The following NCOA7 variants were observed in gnomAD, a reference collection of about 807,000 sequenced individuals.
NCOA7 encodes the protein 140 kDa estrogen receptor-associated protein.
In NCOA7, 45 loss-of-function variants were observed where a neutral mutation model predicts 104.3. That is an observed-to-expected ratio of 0.43 (90% confidence interval 0.34 to 0.55). The LOEUF (loss-of-function observed/expected upper bound fraction) is 0.55. Ranked by LOEUF, NCOA7 falls within the 20% of genes least tolerant of loss-of-function variation. The probability of loss-of-function intolerance (pLI) is 0.02; values close to 1 mark genes in which losing one functional copy is unlikely to be tolerated. For synonymous variants in NCOA7, 398 were observed against 402.3 expected (o/e 0.99, Z 0.13); for missense variants, 1,041 against 1,119.7 (o/e 0.93, Z 1.00).
rs539180859 is a variant in NCOA7 at position 125,931,910 on chromosome 6, T to A, written c.*3139T>A. 5.3e-5 allele frequency: 8 copies of A among 152,326 alleles called. No individual in the cohort carries two copies. Among genetic ancestry groups the A allele is most frequent in the Admixed American group, 1.3e-4 (2 of 15,294 alleles). The allele number at this position is 152,326 out of a possible 1,614,324, so 9.4% of individuals were successfully genotyped here. Reference sequence around the variant, plus strand: ...GTTTGGCAGTTCCACCCTCACCCTCTCTTCTGCTGCCATGTAAGATGTGCC... The same window carrying A: ...GTTTGGCAGTTCCACCCTCACCCTCACTTCTGCTGCCATGTAAGATGTGCC... On this transcript the variant is annotated 3_prime_UTR_variant, in exon 16 of 16. Transcript: ENST00000392477.
intron 11 of NCOA7, among the ~76,000 whole-genome samples, chr6:125,915,699 G>C (rs138851983): frequency 1.5e-3 from 230 of 152,124 alleles, no homozygotes; most frequent in Middle Eastern, 3.4e-3. Context: ...CACACTAGAT[G>C]AATCTACTTA....
chr6:125,882,990 G>T (rs779827756), intron 7 of NCOA7, among the ~76,000 whole-genome samples: 5 of 152,176 alleles, frequency 3.3e-5, no homozygotes, highest in Non-Finnish European at 7.3e-5. Context: ...AATAGGATAT[G>T]ATAATGAAAA....
intron 13 of NCOA7, among the ~76,000 whole-genome samples, chr6:125,925,854 C>T (rs368576690): frequency 2.0e-5 from 3 of 152,112 alleles, no homozygotes; most frequent in South Asian, 4.1e-4. Flanking sequence ...CTGAACAACA[C>T]TATTATATAA....
intron 11 of NCOA7, among the ~76,000 whole-genome samples, chr6:125,917,435 A>G (rs1307402619): frequency 6.6e-6 from 1 of 152,128 alleles, no homozygotes; most frequent in Non-Finnish European, 1.5e-5. Flanking sequence ...TCCCTGGAAC[A>G]TCTTCTCACA....
In NCOA7 at chr6:125,889,581, C is replaced by G. The variant is rs372823012; in HGVS notation, c.1527C>G (p.Asn509Lys). ...QSGSPESRVE[N>K]TLNIHEDLDK... ...GTTCGCCAGAAAGCCGAGTAGAAAA[C>G]ACACTGAACATACATGAAGATTTAG... is the stretch of plus-strand genomic sequence containing the variant. The change falls in exon 9 of 16, where the codon AAC becomes AAG. Residue 509 changes from asparagine to lysine, a missense_variant. By Grantham distance (94) the Asn-to-Lys change is moderately conservative. This residue lies in a region of NCOA7 where 914 missense variants were observed against 942.7 expected (regional missense o/e 0.97). Transcript: ENST00000392477. 13 of 1,613,780 alleles carry G rather than the reference C, an allele frequency of 8.1e-6. No homozygotes were observed. In the African/African-American group the frequency reaches 1.7e-4, roughly 22 times the overall value.
At chr6:125,819,762 C>T (rs1380187805) in intron 2 of NCOA7, among the ~76,000 whole-genome samples, 5 of 152,128 alleles carry the variant, frequency 3.3e-5, no homozygotes, top group Admixed American at 1.3e-4. Flanking sequence ...AGTTAGAATG[C>T]AAAATTTTCT....
Position 125,869,589 on chromosome 6 carries a change from C to T in NCOA7, c.272-5300C>T, listed in dbSNP as rs1047812927. Among the ~76,000 whole-genome samples the T allele has an allele frequency of 4.6e-5, 7 of 152,194 alleles. No individual in the cohort carries two copies. The East Asian group carries it at 9.6e-4, about 21-fold the overall frequency. ...TAAGGAGATTTTCCAGGGCTATCAA[C>T]GTGGCCCAGTGCAATCACAAGGGAC... On this transcript the variant is annotated intron_variant, in intron 3 of 15. Transcript: ENST00000392477.
intron 6 of NCOA7, among the ~76,000 whole-genome samples, chr6:125,881,873 CAG>C (rs1278387647): frequency 6.6e-6 from 1 of 151,672 alleles, no homozygotes; most frequent in East Asian, 1.9e-4. Flanking sequence ...GTGTGTGAGA[CAG>C]AGTCTTTCTC....
At chr6:125,923,688 A>G (rs1787782159) in intron 13 of NCOA7, among the ~76,000 whole-genome samples, 2 of 152,194 alleles carry the variant, frequency 1.3e-5, no homozygotes, top group Admixed American at 6.5e-5. Context: ...TCATTCATTC[A>G]TTTATTCATC....
intron 10 of NCOA7, among the ~76,000 whole-genome samples, chr6:125,907,545 C>T (rs371926572): frequency 6.6e-6 from 1 of 152,204 alleles, no homozygotes; most frequent in African/African-American, 2.4e-5. Flanking sequence ...ACTAATACTC[C>T]TTTAGATTTA....
intron 10 of NCOA7, among the ~76,000 whole-genome samples, chr6:125,902,494 TTA>T (rs1348540797): frequency 4.6e-5 from 7 of 151,550 alleles, no homozygotes; most frequent in Non-Finnish European, 2.9e-5. Flanking sequence ...TTTTTTTTTT[TTA>T]AAGTGGGGAT....
At chr6:125,859,347 G>A (rs1781854211) in intron 3 of NCOA7, among the ~76,000 whole-genome samples, 1 of 152,186 alleles carries the variant, frequency 6.6e-6, no homozygotes, top group Non-Finnish European at 1.5e-5. Flanking sequence ...GATTTGTCTA[G>A]AGGGGCCTAG....
intron 6 of NCOA7, among the ~76,000 whole-genome samples, chr6:125,881,632 C>T (rs1172083522): frequency 1.4e-5 from 2 of 148,016 alleles, no homozygotes; most frequent in Non-Finnish European, 3.0e-5. Context: ...GATCGTACCA[C>T]TGCACTCTAG....
At chr6:125,832,816 G>A (rs959337932) in intron 2 of NCOA7, among the ~76,000 whole-genome samples, 12 of 152,194 alleles carry the variant, frequency 7.9e-5, no homozygotes, top group African/African-American at 2.9e-4. Context: ...GACACAGGAG[G>A]AACCGCTGGA....
chr6:125,834,445 A>C (rs2128595951), intron 2 of NCOA7, among the ~76,000 whole-genome samples: 1 of 152,322 alleles, frequency 6.6e-6, no homozygotes, highest in Non-Finnish European at 1.5e-5. Context: ...GATGGAAAAT[A>C]TCTTAAAAAC....
At chr6:125,814,855 T>A (rs1446872692) in intron 1 of NCOA7, among the ~76,000 whole-genome samples, 2 of 152,246 alleles carry the variant, frequency 1.3e-5, no homozygotes, top group African/African-American at 2.4e-5. Flanking sequence ...TTTATTTTTT[T>A]AAAAAAACAT....
At chr6:125,914,079 T>A (rs1433972383) in intron 10 of NCOA7, among the ~76,000 whole-genome samples, 1 of 152,256 alleles carries the variant, frequency 6.6e-6, no homozygotes, top group Non-Finnish European at 1.5e-5. Context: ...TCATGCCCCT[T>A]GGCCCAGTAA....
At chr6:125,925,172 G>C (rs1787919932) in intron 13 of NCOA7, among the ~76,000 whole-genome samples, 1 of 152,156 alleles carries the variant, frequency 6.6e-6, no homozygotes, top group Non-Finnish European at 1.5e-5. Context: ...AGGGGAAGAG[G>C]CAGGCCACAG....
intron 2 of NCOA7, among the ~76,000 whole-genome samples, chr6:125,820,370 T>A (rs977798570): frequency 2.0e-5 from 3 of 152,210 alleles, no homozygotes; most frequent in Non-Finnish European, 2.9e-5. Flanking sequence ...TTGTTAAATG[T>A]TGCTAAAAAT....
Sources: allele counts gnomAD v4.1 joint callset (sites outside exome capture counted in the v4.1 genomes callset), GRCh38; gene constraint gnomAD v4.1.1; regional missense constraint gnomAD v4.1.1; transcripts MANE v1.5; gene names NCBI Gene and HGNC (gene_info 2026-07-23, HGNC 2026-07-21).